Variants in CASK observed in about 807,000 individuals in gnomAD.
The protein encoded by CASK is peripheral plasma membrane protein CASK.
CASK carries 4 observed loss-of-function variants against 82.9 expected under a neutral mutation model. The ratio of observed to expected loss-of-function variants is 0.05; its 90% CI spans 0.02 to 0.11. CASK has a LOEUF of 0.11. Among genes scored for constraint, CASK ranks in the 10% least tolerant of loss-of-function variants. The pLI is 1.00. For missense variants in CASK, 358 were observed against 720.9 expected (o/e 0.50, Z 5.76); for synonymous variants, 259 against 253.5 (o/e 1.02, Z -0.20).
At chrX:41,747,721 A>G (rs1309561761) in intron 3 of CASK, among the ~76,000 whole-genome samples, 12 of 112,601 alleles carry the variant, frequency 1.1e-4, no homozygotes, top group Non-Finnish European at 2.1e-4. Flanking sequence ...GATTACAGGC[A>G]TGAGCCACTG....
chrX:41,773,448 T>C (rs2069285468), intron 3 of CASK, among the ~76,000 whole-genome samples: 2 of 105,283 alleles, frequency 1.9e-5, no homozygotes, highest in African/African-American at 3.5e-5. Context: ...CCCAACAATA[T>C]GTAAAAAGGA....
In CASK at chrX:41,851,331, A is replaced by G. The variant is rs750901154; in HGVS notation, c.172+1784T>C. Among the ~76,000 whole-genome samples the G allele has an allele frequency of 8.9e-5, 10 of 112,046 alleles. No individual in the cohort carries two copies. The East Asian group carries it at 2.2e-3, about 25-fold the overall frequency. ...AGCCAAAGCAATGGCAAAGTAATGA[A>G]GGAGTGAGCTATAACTTCAGCAACA... On this transcript the variant is annotated intron_variant, in intron 2 of 26. Coordinates refer to ENST00000378163, the MANE Select transcript of CASK (RefSeq NM_001367721.1).
In CASK at chrX:41,721,057, C is replaced by T. The variant is rs188092376; in HGVS notation, c.429+18327G>A. Reference sequence around the variant, plus strand: ...AAATCCTAAGGGTGACAGCAGAACACTTAGGAGATCAATATTTGGCAGATG... The same window carrying T: ...AAATCCTAAGGGTGACAGCAGAACATTTAGGAGATCAATATTTGGCAGATG... On this transcript the variant is annotated intron_variant, in intron 5 of 26. Transcript: ENST00000378163. 4.5e-5 allele frequency among the ~76,000 whole-genome samples: 5 copies of T among 111,812 alleles called. No homozygotes were observed. In the East Asian group the frequency reaches 1.1e-3, roughly 25 times the overall value.
chrX:41,811,446 G>A (rs1481544243), intron 2 of CASK, among the ~76,000 whole-genome samples: 36 of 112,070 alleles, frequency 3.2e-4, no homozygotes, highest in African/African-American at 9.7e-4. Flanking sequence ...ACTCAAAACC[G>A]CTCAACTACA....
At chrX:41,609,411 G>A (rs964800217) in intron 12 of CASK, among the ~76,000 whole-genome samples, 5 of 111,961 alleles carry the variant, frequency 4.5e-5, no homozygotes, top group Non-Finnish European at 5.6e-5. Flanking sequence ...CACGGTGCCC[G>A]GCCATATACT....
At chrX:41,836,707 T>A (rs1005649276) in intron 2 of CASK, among the ~76,000 whole-genome samples, 4 of 111,694 alleles carry the variant, frequency 3.6e-5, no homozygotes, top group African/African-American at 6.5e-5. Flanking sequence ...GTATTTTGCA[T>A]GACAAAATTA....
At chrX:41,865,857 A>T (rs772542488) in intron 1 of CASK, among the ~76,000 whole-genome samples, 9 of 111,883 alleles carry the variant, frequency 8.0e-5, no homozygotes, top group Non-Finnish European at 1.5e-4. Context: ...CTGCAGGGAT[A>T]AAAGGTACTT....
chrX:41,649,962 T>C (rs1419182919), intron 8 of CASK, among the ~76,000 whole-genome samples: 1 of 111,866 alleles, frequency 8.9e-6, no homozygotes, highest in Non-Finnish European at 1.9e-5. Flanking sequence ...ATATTTAGGA[T>C]AGTTAGCTCT....
intron 10 of CASK, among the ~76,000 whole-genome samples, 185 bp from the exon 11 acceptor site, chrX:41,622,819 C>T (rs1470818583): frequency 1.8e-5 from 2 of 110,436 alleles, no homozygotes; most frequent in Non-Finnish European, 3.8e-5. Context: ...AGACATCAAA[C>T]GTTGGGTTCT....
intron 3 of CASK, among the ~76,000 whole-genome samples, chrX:41,777,028 T>C (rs746224587): frequency 9.0e-5 from 10 of 111,725 alleles, no homozygotes; most frequent in Non-Finnish European, 1.7e-4. Flanking sequence ...CTCTACAAAA[T>C]AGTGAAATCT....
intron 20 of CASK, 97 bp downstream of exon 20, chrX:41,555,503 G>T: frequency 1.5e-6 from 1 of 654,126 alleles, no homozygotes; most frequent in Non-Finnish European, 2.5e-6. Context: ...AAATGTTATG[G>T]TCCAAAATGC....
At chrX:41,841,216 GT>G (rs776895186) in intron 2 of CASK, among the ~76,000 whole-genome samples, 59 of 111,276 alleles carry the variant, frequency 5.3e-4, no homozygotes, top group Middle Eastern at 9.3e-3. Flanking sequence ...GTTGTTTTTT[GT>G]TTTGTTTTTT....
At chrX:41,792,089 G>A (rs1333909348) in intron 2 of CASK, among the ~76,000 whole-genome samples, 1 of 111,165 alleles carries the variant, frequency 9.0e-6, no homozygotes, top group Non-Finnish European at 1.9e-5. Flanking sequence ...TATCCCACCA[G>A]GGTCTGCCTA....
At chrX:41,715,027 A>C (rs1164898081) in intron 5 of CASK, among the ~76,000 whole-genome samples, 1 of 112,307 alleles carries the variant, frequency 8.9e-6, no homozygotes, top group Non-Finnish European at 1.9e-5. Context: ...ACCAACAAAG[A>C]GTTGCTTGGT....
chrX:41,812,519 G>A (rs1259434843), intron 2 of CASK, among the ~76,000 whole-genome samples: 2 of 111,311 alleles, frequency 1.8e-5, no homozygotes, highest in Non-Finnish European at 3.8e-5. Context: ...ATGCAGAAAA[G>A]GCCTTTGACA....
rs762002822 is a variant in CASK at position 41,569,761 on chromosome X, AT to A, written c.1504-16del. 2.0e-6 allele frequency: 2 copies of A among 1,016,302 alleles called. No individual in the cohort carries two copies. Among genetic ancestry groups the A allele is most frequent in the South Asian group, 2.0e-5 (1 of 49,884 alleles). 83.8% of individuals were successfully genotyped at this position (1,016,302 alleles called of 1,213,427 possible). On this transcript the variant is annotated splice_polypyrimidine_tract_variant and intron_variant, in intron 15 of 26. Coordinates refer to ENST00000378163, the MANE Select transcript of CASK (RefSeq NM_001367721.1). Reference sequence around the variant, plus strand: ...AAAGTGATTCCCTGTTAAAAAAAAAATAAAAAGTTCAGCAAAAGTAGAATTA... The same window carrying A: ...AAAGTGATTCCCTGTTAAAAAAAAAAAAAAAGTTCAGCAAAAGTAGAATTA...
chrX:41,899,133 G>A (rs112285309), intron 1 of CASK, among the ~76,000 whole-genome samples: 1,153 of 111,289 alleles, frequency 0.01, 14 homozygotes, highest in African/African-American at 0.035. Context: ...TTGTTGTATC[G>A]TCTGGATGAA....
intron 3 of CASK, among the ~76,000 whole-genome samples, chrX:41,759,517 T>C (rs1243572560): frequency 9.0e-6 from 1 of 111,445 alleles, no homozygotes; most frequent in East Asian, 2.8e-4. Context: ...GCTTTTATAG[T>C]AGAATATGGG....
At chrX:41,591,947 A>G (rs1201671174) in intron 12 of CASK, among the ~76,000 whole-genome samples, 1 of 111,363 alleles carries the variant, frequency 9.0e-6, no homozygotes, top group African/African-American at 3.3e-5. Flanking sequence ...ACATAAAAAT[A>G]TTTTTATAAA....
Sources: gnomAD v4.1 joint callset for allele counts (sites outside exome capture counted in the v4.1 genomes callset) on GRCh38, gnomAD v4.1.1 for gene constraint, MANE v1.5 for transcripts, NCBI Gene and HGNC (gene_info 2026-07-23, HGNC 2026-07-21) for gene names.